Variants in ERGIC1 observed in about 807,000 individuals in gnomAD.
ERGIC1 encodes the protein endoplasmic reticulum-Golgi intermediate compartment protein 1.
ERGIC1 carries 19 observed loss-of-function variants against 38.3 expected under a neutral mutation model. The observed-to-expected ratio is 0.50, with a 90% CI of 0.35 to 0.73. The LOEUF (loss-of-function observed/expected upper bound fraction) is 0.73, where lower values mean the gene tolerates loss of function less well. Ranked by LOEUF, ERGIC1 falls within the 30% of genes least tolerant of loss-of-function variation. The pLI is 0.01. For missense variants in ERGIC1, 294 were observed against 389.2 expected (o/e 0.76, Z 2.06); for synonymous variants, 124 against 157.6 (o/e 0.79, Z 1.60).
At chr5:172,913,642 G>A (rs928061632) in intron 4 of ERGIC1, among the ~76,000 whole-genome samples, 5 of 152,094 alleles carry the variant, frequency 3.3e-5, no homozygotes, top group African/African-American at 4.8e-5. Context: ...CCTTTCTAGC[G>A]CTCCTGCCAG....
At chr5:172,887,683 G>T (rs1320986168) in intron 1 of ERGIC1, among the ~76,000 whole-genome samples, 1 of 152,182 alleles carries the variant, frequency 6.6e-6, no homozygotes. Context: ...TACACCACAC[G>T]ATTTCCCTGT....
intron 2 of ERGIC1, among the ~76,000 whole-genome samples, chr5:172,893,903 A>ATGTGTGTGTGTGTGTGTG (rs1279828120): frequency 2.3e-4 from 3 of 12,882 alleles, no homozygotes; most frequent in African/African-American, 3.6e-4. Context: ...ATATATATAT[A>ATGTGTGTGTGTGTGTGTG]TATGTGTGTG....
chr5:172,880,260 C>G (rs1762248839), intron 1 of ERGIC1, among the ~76,000 whole-genome samples: 1 of 152,082 alleles, frequency 6.6e-6, no homozygotes, highest in African/African-American at 2.4e-5. Flanking sequence ...TGGTCTCGAA[C>G]TCCTGATCTC....
intron 1 of ERGIC1, among the ~76,000 whole-genome samples, chr5:172,856,894 C>T (rs781414848): frequency 5.3e-5 from 8 of 152,130 alleles, no homozygotes; most frequent in African/African-American, 1.2e-4. Context: ...ATCTGCCTCA[C>T]GGTTGTGTGA....
rs539137013 is a variant in ERGIC1 at position 172,870,327 on chromosome 5, G to T, written c.21-18372G>T. Among the ~76,000 whole-genome samples the T allele has an allele frequency of 2.6e-5, 4 of 152,270 alleles. No individual in the cohort carries two copies. In the East Asian group the frequency reaches 5.8e-4, roughly 22 times the overall value. On this transcript the variant is annotated intron_variant, in intron 1 of 9. Coordinates refer to ENST00000393784, the MANE Select transcript of ERGIC1 (RefSeq NM_001031711.3). ...TTGGTTCCAGCCATGTGCCAAGCTG[G>T]GAGGCTTTCTATGGACTCCACAGTT...
chr5:172,893,718 C>T (rs1235859662), intron 2 of ERGIC1, among the ~76,000 whole-genome samples: 2 of 151,074 alleles, frequency 1.3e-5, no homozygotes, highest in Non-Finnish European at 2.9e-5. Flanking sequence ...CTGGAGAAAA[C>T]AATTTGAAAT....
At chr5:172,914,991 G>C (rs1031704201) in intron 5 of ERGIC1, 153 bp downstream of exon 5, 1 of 1,259,456 alleles carries the variant, frequency 7.9e-7, no homozygotes, top group Non-Finnish European at 1.1e-6. Flanking sequence ...GGCCGTTCCT[G>C]CTGAGAATCT....
chr5:172,893,157 T>G (rs903002046), intron 2 of ERGIC1, among the ~76,000 whole-genome samples: 12 of 152,066 alleles, frequency 7.9e-5, no homozygotes, highest in African/African-American at 2.9e-4. Context: ...TTTTGTTTCG[T>G]TTTTTTTGAG....
intron 1 of ERGIC1, among the ~76,000 whole-genome samples, chr5:172,882,149 G>A (rs551377225): frequency 9.2e-5 from 14 of 152,282 alleles, no homozygotes; most frequent in Middle Eastern, 6.8e-3. Context: ...GCTGCCCAGC[G>A]TGGCTCTGTG....
chr5:172,926,568 C>A lies in ERGIC1; in HGVS notation c.540C>A (p.Asn180Lys). 1 of 1,612,322 alleles carries A rather than the reference C, an allele frequency of 6.2e-7. No individual in the cohort carries two copies. The highest frequency in any genetic ancestry group is 8.5e-7 in the Non-Finnish European group (1 of 1,180,010). ...GGGGAGCAGACAGACTCACCTCCAA[C>A]CGTATGTATCCCTGCTGGGAACAGC... is the stretch of plus-strand genomic sequence containing the variant. ...ALGGADRLTS[N>K]PLASHDYILK... The change falls in exon 7 of 10, where the codon AAC becomes AAA. Residue 180 changes from asparagine (N) to lysine (K), a missense_variant and splice_region_variant. By Grantham distance (94) the Asn-to-Lys change is moderately conservative. Transcript: ENST00000393784. This position sits in a 1 kb window ranked among gnomAD's most constrained non-coding sequence, Gnocchi z 5.2.
chr5:172,932,225 T>A (rs1280422092), intron 7 of ERGIC1, among the ~76,000 whole-genome samples: 1 of 152,222 alleles, frequency 6.6e-6, no homozygotes, highest in Non-Finnish European at 1.5e-5. Context: ...TTTAATGATG[T>A]GCACAGTGCA....
chr5:172,870,046 A>G (rs1352120580), intron 1 of ERGIC1, among the ~76,000 whole-genome samples: 2 of 152,072 alleles, frequency 1.3e-5, no homozygotes, highest in African/African-American at 4.8e-5. Context: ...CTGGCTCTAT[A>G]ACTTTTATGT....
chr5:172,867,660 A>G (rs1761901723), intron 1 of ERGIC1: 1 of 309,380 alleles, frequency 3.2e-6, no homozygotes, highest in South Asian at 2.5e-5. Context: ...CTGCCCTAGC[A>G]TGAACCAGCA....
At chr5:172,841,370 C>G (rs1335516310) in intron 1 of ERGIC1, among the ~76,000 whole-genome samples, 1 of 152,162 alleles carries the variant, frequency 6.6e-6, no homozygotes, top group East Asian at 1.9e-4. Flanking sequence ...TGTTTTATGT[C>G]CAGGGAAACC....
At chr5:172,914,144 A>G (rs2113402822) in intron 4 of ERGIC1, among the ~76,000 whole-genome samples, 1 of 149,504 alleles carries the variant, frequency 6.7e-6, no homozygotes, top group African/African-American at 2.5e-5. Flanking sequence ...CTGAGGCAGG[A>G]GAATTGCTTG....
Position 172,888,734 on chromosome 5 carries a change from C to A in ERGIC1, c.56C>A (p.Thr19Lys). 1 of 1,614,138 alleles carries A rather than the reference C, an allele frequency of 6.2e-7. No individual in the cohort carries two copies. Among genetic ancestry groups the A allele is most frequent in the Non-Finnish European group, 8.5e-7 (1 of 1,180,014 alleles). Reference protein sequence around the residue: ...DIYRKVPKDLTQPTYTGAIIS... With the variant: ...DIYRKVPKDLKQPTYTGAIIS... ...TACAGGAAGGTGCCCAAGGACCTTACGCAGCCAACGTACACCGGGGCCATT... is the reference window on the plus strand; with the variant it reads ...TACAGGAAGGTGCCCAAGGACCTTAAGCAGCCAACGTACACCGGGGCCATT... The change falls in exon 2 of 10, where the codon ACG becomes AAG. Residue 19 changes from threonine to lysine, a missense_variant. Physicochemically the swap from Thr to Lys is moderately conservative, Grantham distance 78 (BLOSUM62 -1). Around this residue, in one of 3 missense-constraint regions of ERGIC1, gnomAD observed 163 missense variants for 225.8 expected, o/e 0.72. Coordinates refer to ENST00000393784, the MANE Select transcript of ERGIC1 (RefSeq NM_001031711.3).
At chr5:172,875,394 G>A (rs576124593) in intron 1 of ERGIC1, among the ~76,000 whole-genome samples, 44 of 152,246 alleles carry the variant, frequency 2.9e-4, no homozygotes, top group African/African-American at 1.1e-3. Flanking sequence ...GGAAGATGGG[G>A]TTGGGGTAGA....
chr5:172,949,866 C>A (rs894253685), intron 9 of ERGIC1, among the ~76,000 whole-genome samples: 1 of 152,118 alleles, frequency 6.6e-6, no homozygotes, highest in Non-Finnish European at 1.5e-5. Flanking sequence ...GAGATCAAGA[C>A]CATCCTGGCT....
intron 1 of ERGIC1, among the ~76,000 whole-genome samples, chr5:172,873,461 C>T (rs9313610): frequency 0.013 from 1,941 of 152,350 alleles, 39 homozygotes; most frequent in African/African-American, 0.045. Context: ...CCAGGGCCTC[C>T]AGGTGACACA....
Sources: allele counts gnomAD v4.1 joint callset (sites outside exome capture counted in the v4.1 genomes callset), GRCh38; gene constraint gnomAD v4.1.1; regional missense constraint gnomAD v4.1.1; non-coding constraint Gnocchi (gnomAD v3.1); transcripts MANE v1.5; gene names NCBI Gene and HGNC (gene_info 2026-07-23, HGNC 2026-07-21).